GPI: variants seen among roughly 807,000 people sequenced by gnomAD.
GPI encodes the protein glucose-6-phosphate isomerase, also known as D-hexose-6-phosphate anomerase.
In GPI, 56 loss-of-function variants were observed where a neutral mutation model predicts 75.8. The ratio of observed to expected loss-of-function variants is 0.74; its 90% CI spans 0.60 to 0.92. GPI has a LOEUF of 0.92. Among genes scored for constraint, GPI ranks in the 40% least tolerant of loss-of-function variants. GPI has a pLI of 0.00. For synonymous variants in GPI, 288 were observed against 285.4 expected (o/e 1.01, Z -0.09); for missense variants, 638 against 741.0 (o/e 0.86, Z 1.61).
At position 34,381,492 on chromosome 19, in the gene GPI, C is replaced by T. The variant is rs1465884605; in HGVS notation, c.777C>T (p.Asp259=). 2.5e-6 allele frequency: 4 copies of T among 1,607,910 alleles called. No individual in the cohort carries two copies. The highest frequency in any genetic ancestry group is 3.4e-6 in the Non-Finnish European group (4 of 1,174,570). Residue 259 remains aspartate (D), a synonymous_variant, in exon 9 of 18, where the codon GAC becomes GAT. Coordinates refer to ENST00000356487, the MANE Select transcript of GPI (RefSeq NM_000175.5). ...CCAAAGTGAAGGAGTTTGGAATTGA[C>T]CCTCAAAACATGTTCGAGTTCTGGG... ...NTTKVKEFGI[D]PQNMFEFWDW... is the part of the protein sequence containing the mutation.
intron 4 of GPI, 106 bp downstream of exon 4, chr19:34,368,808 A>T (rs1410933230): frequency 1.5e-6 from 2 of 1,295,638 alleles, no homozygotes; most frequent in African/African-American, 1.5e-5. Flanking sequence ...GGCAGGACTC[A>T]GGTTCTCACT....
chr19:34,390,881 C>A (rs4545937), intron 9 of GPI, among the ~76,000 whole-genome samples: 4 of 136,454 alleles, frequency 2.9e-5, no homozygotes, highest in African/African-American at 6.0e-5. Flanking sequence ...TGGGTCTTCC[C>A]GTGTCTGAGG....
chr19:34,364,993 G>C (rs1384466628), upstream of GPI: 1 of 1,533,024 alleles, frequency 6.5e-7, no homozygotes, highest in Non-Finnish European at 8.7e-7. Context: ...CTTCCGGGCA[G>C]AGGCCAGCAA....
At chr19:34,388,929 CAA>C (rs1568342158) in intron 9 of GPI, among the ~76,000 whole-genome samples, 1 of 151,624 alleles carries the variant, frequency 6.6e-6, no homozygotes, top group Non-Finnish European at 1.5e-5. Flanking sequence ...CCCATCTCTA[CAA>C]AAAATTTAAA....
At position 34,393,889 on chromosome 19, in the gene GPI, C is replaced by A. The variant is rs769028462; in HGVS notation, c.910-25C>A. The A allele has an allele frequency of 7.4e-6, 12 of 1,613,156 alleles. No homozygotes were observed. Among genetic ancestry groups the A allele is most frequent in the Non-Finnish European group, 9.3e-6 (11 of 1,179,672 alleles). ...CCCCTCCCCGTGCAGCTGCTCAGCT[C>A]CCACTCATCCTGCTCCTGTTTCAGG... On this transcript the variant is annotated intron_variant, in intron 11 of 17. Coordinates refer to ENST00000356487, the MANE Select transcript of GPI (RefSeq NM_000175.5). The surrounding 1 kb of genome is among the most constrained non-coding windows in gnomAD (Gnocchi z 4.4).
chr19:34,394,088 C>G (rs1246108300), intron 12 of GPI, 22 bp downstream of exon 12: 27 of 1,600,592 alleles, frequency 1.7e-5, no homozygotes, highest in Non-Finnish European at 2.2e-5. Context: ...CAAGCCAGGC[C>G]TTGGAGTCAG....
intron 4 of GPI, among the ~76,000 whole-genome samples, chr19:34,370,842 C>T (rs766360688): frequency 4.5e-4 from 69 of 152,222 alleles, no homozygotes; most frequent in African/African-American, 1.5e-3. Context: ...TGCTTGAGCC[C>T]GGGAGGTTGA....
At chr19:34,398,872 T>C (rs1211721289) in intron 14 of GPI, 1 of 214,540 alleles carries the variant, frequency 4.7e-6, no homozygotes, top group Non-Finnish European at 9.6e-6. Context: ...CAGCTAAATT[T>C]TTTTTTGGTA....
chr19:34,379,870 A>G (rs1599829512), intron 8 of GPI: 2 of 537,638 alleles, frequency 3.7e-6, no homozygotes, highest in African/African-American at 1.9e-5. Flanking sequence ...TGTGCCCAGC[A>G]TCTCCCCAAA....
intron 17 of GPI, 49 bp from the exon 18 acceptor site, chr19:34,399,852 G>A (rs761229256): frequency 5.6e-6 from 9 of 1,613,658 alleles, no homozygotes; most frequent in South Asian, 3.3e-5. Flanking sequence ...CAGTAGCAAC[G>A]TTAGAGCCTT....
At chr19:34,376,582 G>A (rs114398839) in intron 4 of GPI, among the ~76,000 whole-genome samples, 2,310 of 150,196 alleles carry the variant, frequency 0.015, 57 homozygotes, top group African/African-American at 0.055. Context: ...AAAAAAAAAG[G>A]CTAAAGCAGA....
Position 34,400,348 on chromosome 19 carries a change from GA to G in GPI, c.*313del. The G allele has an allele frequency of 1.7e-6, 1 of 594,346 alleles. No individual in the cohort carries two copies. The highest frequency in any genetic ancestry group is 3.0e-6 in the Non-Finnish European group (1 of 334,640). The allele number at this position is 594,346 out of a possible 1,614,324, so 36.8% of individuals were successfully genotyped here. A position where few individuals can be genotyped will look rare whatever the true frequency, so the allele number is the denominator to read the frequency against. On this transcript the variant is annotated 3_prime_UTR_variant, in exon 18 of 18. Transcript: ENST00000356487. ...GGAGGAGGTTGTAGGCTCAGCCTCT[GA>G]TTTTTTTTTTCCTGTGATGGTGCTT...
At chr19:34,376,508 G>T (rs1400061351) in intron 4 of GPI, among the ~76,000 whole-genome samples, 1 of 151,094 alleles carries the variant, frequency 6.6e-6, no homozygotes, top group Non-Finnish European at 1.5e-5. Context: ...AGGCTGCAGT[G>T]AGCTGAGATC....
chr19:34,400,100 G>C lies in GPI; in HGVS notation c.*64G>C. The stretch of plus-strand genomic sequence containing the variant: ...TCTCTTCTCGTCCCTCCTCCCCGGA[G>C]CCGGCACTGCATGTTCCTGGACACC... On this transcript the variant is annotated 3_prime_UTR_variant, in exon 18 of 18. Transcript: ENST00000356487. The C allele has an allele frequency of 2.6e-6, 4 of 1,540,932 alleles. No homozygotes were observed. The highest frequency in any genetic ancestry group is 3.5e-6 in the Non-Finnish European group (4 of 1,127,138).
chr19:34,368,626 C>T lies in GPI; in HGVS notation c.326C>T (p.Thr109Ile). ...GTGGCTCTGCGGAACCGGTCAAACA[C>T]ACCCATCCTGGTAGACGGCAAGGAT... ...LHVALRNRSN[T>I]PILVDGKDVM... Residue 109 changes from threonine to isoleucine, a missense_variant, in exon 4 of 18, where the codon ACA becomes ATA. Thr to Ile is a moderately conservative substitution (Grantham distance 89). Coordinates refer to ENST00000356487, the MANE Select transcript of GPI (RefSeq NM_000175.5). The T allele has an allele frequency of 6.2e-7, 1 of 1,614,064 alleles. No individual in the cohort carries two copies. The highest frequency in any genetic ancestry group is 8.5e-7 in the Non-Finnish European group (1 of 1,179,904).
At chr19:34,384,952 A>G (rs2074710499) in intron 9 of GPI, among the ~76,000 whole-genome samples, 1 of 151,598 alleles carries the variant, frequency 6.6e-6, no homozygotes, top group South Asian at 2.1e-4. Flanking sequence ...CTGAGGCACC[A>G]GAATTGCTTG....
chr19:34,379,253 G>A (rs2074602868), intron 7 of GPI, among the ~76,000 whole-genome samples: 2 of 152,224 alleles, frequency 1.3e-5, no homozygotes, highest in African/African-American at 4.8e-5. Context: ...GCAGGCCCTT[G>A]GCGCTGCAGG....
chr19:34,365,483 G>A (rs2074346685), intron 1 of GPI, 95 bp downstream of exon 1: 3 of 1,503,956 alleles, frequency 2.0e-6, no homozygotes, highest in Non-Finnish European at 2.7e-6. Flanking sequence ...GGTGCCCGGG[G>A]ACCCCAGTCC....
intron 1 of GPI, chr19:34,366,046 A>C: frequency 1.6e-6 from 1 of 622,500 alleles, no homozygotes; most frequent in South Asian, 1.5e-5. Context: ...GTGCCTGAGT[A>C]ACTTACGGCA....
Sources: gnomAD v4.1 joint callset for allele counts (sites outside exome capture counted in the v4.1 genomes callset) on GRCh38, gnomAD v4.1.1 for gene constraint, Gnocchi (gnomAD v3.1) non-coding constraint, MANE v1.5 for transcripts, NCBI Gene and HGNC (gene_info 2026-07-23, HGNC 2026-07-21) for gene names.